The following MYH14 variants were observed in gnomAD, a reference collection of about 807,000 sequenced individuals.
The protein encoded by MYH14 is myosin-14.
Under a neutral mutation model 255.5 loss-of-function variants are expected in MYH14, and 123 were observed. The ratio of observed to expected loss-of-function variants is 0.48; its 90% CI spans 0.42 to 0.56. MYH14 has a LOEUF of 0.56. MYH14 is among the 20% of genes least tolerant of loss of function. MYH14 has a pLI of 0.00. For missense variants in MYH14, 2,423 were observed against 2,802.3 expected (o/e 0.86, Z 3.06); for synonymous variants, 1,095 against 1,161.2 (o/e 0.94, Z 1.16).
At chr19:50,278,754 C>G (rs558377328) in intron 30 of MYH14, among the ~76,000 whole-genome samples, 9 of 149,394 alleles carry the variant, frequency 6.0e-5, no homozygotes, top group African/African-American at 1.7e-4. Context: ...GCGGGCAGAT[C>G]ACCTGAAGTC....
intron 18 of MYH14, 112 bp downstream of exon 18, chr19:50,257,598 G>C: frequency 9.1e-7 from 1 of 1,103,880 alleles, no homozygotes. Context: ...TTAGCTGTGT[G>C]GCTTTGAGCA....
chr19:50,276,703 C>A lies in MYH14; in HGVS notation c.3681-54C>A. The stretch of plus-strand genomic sequence containing the variant: ...GAGAAACAACCAGCTCCCCCAAAGC[C>A]CCTGCCTTCCTCTGCTCTGAAATTC... On this transcript the variant is annotated intron_variant, in intron 28 of 42. Coordinates refer to ENST00000642316, the MANE Select transcript of MYH14 (RefSeq NM_001145809.2). This position sits in a 1 kb window ranked among gnomAD's most constrained non-coding sequence, Gnocchi z 4.3. 1 of 1,611,616 alleles carries A rather than the reference C, an allele frequency of 6.2e-7. No individual in the cohort carries two copies. The highest frequency in any genetic ancestry group is 1.7e-5 in the Admixed American group (1 of 60,018).
In MYH14 at chr19:50,293,118, G is replaced by T; in HGVS notation, c.5257-115G>T. The T allele has an allele frequency of 1.3e-6, 1 of 749,304 alleles. No homozygotes were observed. The allele number at this position is 749,304 out of a possible 1,614,324, so 46.4% of individuals were successfully genotyped here. A position where few individuals can be genotyped will look rare whatever the true frequency, so the allele number is the denominator to read the frequency against. On this transcript the variant is annotated intron_variant, in intron 37 of 42. Transcript: ENST00000642316. This position sits in a 1 kb window ranked among gnomAD's most constrained non-coding sequence, Gnocchi z 4.1. ...TGCAGCTCATTCCAGGGTTACCCAG[G>T]GACAGCATGAGAAAAAAGCCAAGAG... is the stretch of plus-strand genomic sequence containing the variant.
At chr19:50,307,648 G>T (rs1330605629) in intron 41 of MYH14, among the ~76,000 whole-genome samples, 1 of 152,218 alleles carries the variant, frequency 6.6e-6, no homozygotes, top group African/African-American at 2.4e-5. Context: ...TAGCCCCAGA[G>T]TGTGTGTTCT....
In MYH14 at chr19:50,266,073, A is replaced by G. The variant is rs2035071692; in HGVS notation, c.2695-804A>G. ...TACAGAATTGGGTGGAGAGGAAAAG[A>G]ATCAAGTAGACTTGTGTAGAACGGA... On this transcript the variant is annotated intron_variant, in intron 22 of 42. Transcript: ENST00000642316. This position sits in a 1 kb window ranked among gnomAD's most constrained non-coding sequence, Gnocchi z 4.1. 6.6e-6 allele frequency among the ~76,000 whole-genome samples: 1 copy of G among 152,196 alleles called. No homozygotes were observed. Among genetic ancestry groups the G allele is most frequent in the African/African-American group, 2.4e-5 (1 of 41,436 alleles).
At chr19:50,268,803 T>C (rs1236010931) in intron 24 of MYH14, among the ~76,000 whole-genome samples, 5 of 151,412 alleles carry the variant, frequency 3.3e-5, no homozygotes, top group Non-Finnish European at 7.4e-5. Context: ...GTGATGTCCT[T>C]AGCTTCAGGC....
At chr19:50,251,528 A>G (rs2034389206) in intron 15 of MYH14, among the ~76,000 whole-genome samples, 1 of 20,784 alleles carries the variant, frequency 4.8e-5, no homozygotes, top group South Asian at 2.1e-3. Flanking sequence ...CACTACACAC[A>G]CACACACACA....
chr19:50,227,057 C>T, intron 8 of MYH14, 91 bp downstream of exon 8: 1 of 1,243,126 alleles, frequency 8.0e-7, no homozygotes, highest in Non-Finnish European at 1.2e-6. Flanking sequence ...CTGCAGGGAC[C>T]CCTTACCTGC....
chr19:50,282,112 C>G (rs914137431), intron 33 of MYH14, among the ~76,000 whole-genome samples: 6 of 152,180 alleles, frequency 3.9e-5, no homozygotes, highest in Non-Finnish European at 8.8e-5. Flanking sequence ...TATACGAATA[C>G]CTTCAGTACC....
chr19:50,214,214 G>A (rs1031061358), intron 2 of MYH14, among the ~76,000 whole-genome samples: 5 of 152,296 alleles, frequency 3.3e-5, no homozygotes, highest in Admixed American at 6.5e-5. Flanking sequence ...TTCTGTCCCC[G>A]TTAGCTAAAG....
At chr19:50,273,601 G>GGGTGTGTGTGT (rs1555772398) in intron 27 of MYH14, among the ~76,000 whole-genome samples, 2 of 137,476 alleles carry the variant, frequency 1.5e-5, no homozygotes, top group African/African-American at 5.4e-5. Flanking sequence ...GAACATGGGG[G>GGGTGTGTGTGT]GTGTGTGTGT....
At chr19:50,208,136 C>T (rs62112603) in intron 1 of MYH14, among the ~76,000 whole-genome samples, 5,294 of 152,266 alleles carry the variant, frequency 0.035, 100 homozygotes, top group Middle Eastern at 0.092. Context: ...ACTATCTGGC[C>T]GGGCATGGTG....
chr19:50,206,268 C>G (rs1272874439), intron 1 of MYH14, among the ~76,000 whole-genome samples: 1 of 151,642 alleles, frequency 6.6e-6, no homozygotes. Flanking sequence ...GCTGGGAGCT[C>G]GGACTCCTCA....
At chr19:50,294,554 C>T (rs2036198594) in intron 39 of MYH14, among the ~76,000 whole-genome samples, 1 of 151,098 alleles carries the variant, frequency 6.6e-6, no homozygotes, top group Non-Finnish European at 1.5e-5. Flanking sequence ...CCTGATTCTC[C>T]AATTTTCTCT....
intron 34 of MYH14, 56 bp downstream of exon 34, chr19:50,286,750 C>A: frequency 6.9e-7 from 1 of 1,444,470 alleles, no homozygotes; most frequent in Non-Finnish European, 9.5e-7. Flanking sequence ...CACGTACATG[C>A]ATGTATGCTT....
At chr19:50,210,935 G>A (rs979419504) in intron 2 of MYH14, among the ~76,000 whole-genome samples, 165 bp downstream of exon 2, 1 of 152,136 alleles carries the variant, frequency 6.6e-6, no homozygotes, top group African/African-American at 2.4e-5. Context: ...ATGAATTGTT[G>A]GATTACTAGG....
At chr19:50,268,128 C>T (rs2035157306) in intron 23 of MYH14, 33 bp from the exon 24 acceptor site, 2 of 1,529,654 alleles carry the variant, frequency 1.3e-6, no homozygotes, top group African/African-American at 2.7e-5. Context: ...GGAGCACTGC[C>T]TGCTGACCAC....
chr19:50,278,745 C>T (rs2035602502), intron 30 of MYH14, among the ~76,000 whole-genome samples: 1 of 148,158 alleles, frequency 6.7e-6, no homozygotes, highest in Admixed American at 6.8e-5. Context: ...GAGGCCGAGG[C>T]GGGCAGATCA....
At chr19:50,216,946 T>C (rs1043917789) in intron 2 of MYH14, among the ~76,000 whole-genome samples, 4 of 150,980 alleles carry the variant, frequency 2.6e-5, no homozygotes, top group African/African-American at 9.7e-5. Context: ...TAGCTGGGAC[T>C]ACAGGCATGT....
Sources: allele counts gnomAD v4.1 joint callset (sites outside exome capture counted in the v4.1 genomes callset), GRCh38; gene constraint gnomAD v4.1.1; non-coding constraint Gnocchi (gnomAD v3.1); transcripts MANE v1.5; gene names NCBI Gene and HGNC (gene_info 2026-07-23, HGNC 2026-07-21).